Variants in LRCH3 observed in about 807,000 individuals in gnomAD.
LRCH3 encodes leucine rich repeats and calponin homology domain containing 3, also known as DISP complex protein LRCH3.
In LRCH3, 68 loss-of-function variants were observed where a neutral mutation model predicts 104.5. The observed-to-expected ratio is 0.65, with a 90% CI of 0.54 to 0.80. The LOEUF (loss-of-function observed/expected upper bound fraction) is 0.80, where lower values mean the gene tolerates loss of function less well. LRCH3 is among the 30% of genes least tolerant of loss of function. The pLI is 0.00. For missense variants in LRCH3, 951 were observed against 953.9 expected (o/e 1.00, Z 0.04); for synonymous variants, 344 against 361.3 (o/e 0.95, Z 0.54).
At chr3:197,824,813 A>G (rs1359834492) in intron 4 of LRCH3, among the ~76,000 whole-genome samples, 1 of 149,558 alleles carries the variant, frequency 6.7e-6, no homozygotes, top group African/African-American at 2.5e-5. Context: ...CTCGTGATTC[A>G]CCCGCCTTGG....
At position 197,883,775 on chromosome 3, in the gene LRCH3, G is replaced by A. The variant is rs1343436644; in HGVS notation, c.*109G>A. 1 of 1,181,502 alleles carries A rather than the reference G, an allele frequency of 8.5e-7. No individual in the cohort carries two copies. Among genetic ancestry groups the A allele is most frequent in the Non-Finnish European group, 1.1e-6 (1 of 894,592 alleles). The allele number at this position is 1,181,502 out of a possible 1,614,324, so 73.2% of individuals were successfully genotyped here. ...AAAGCTCTTGTGTGTTCTCAGAAGG[G>A]ACCGTTCCCATGATTCCTAACAGGA... On this transcript the variant is annotated 3_prime_UTR_variant, in exon 21 of 21. Transcript: ENST00000425562. The surrounding 1 kb of genome is among the most constrained non-coding windows in gnomAD (Gnocchi z 4.2).
At chr3:197,845,406 C>CAAAAAAAA (rs370414681) in intron 10 of LRCH3, among the ~76,000 whole-genome samples, 1 of 85,858 alleles carries the variant, frequency 1.2e-5, no homozygotes, top group Admixed American at 1.3e-4. Context: ...GAGACTCTGT[C>CAAAAAAAA]AAAAAAAAAA....
At chr3:197,797,264 G>A (rs913303138) in intron 1 of LRCH3, among the ~76,000 whole-genome samples, 1 of 143,098 alleles carries the variant, frequency 7.0e-6, no homozygotes, top group African/African-American at 2.6e-5. Context: ...TGGAAGTGGA[G>A]GTTGCAGTGA....
intron 1 of LRCH3, 106 bp downstream of exon 1, chr3:197,791,646 C>G: frequency 7.7e-7 from 1 of 1,293,512 alleles, no homozygotes; most frequent in African/African-American, 1.6e-5. Context: ...GTCCCGTAGG[C>G]GCCGGGTCCG....
intron 18 of LRCH3, 69 bp downstream of exon 18, chr3:197,870,347 T>A: frequency 7.1e-7 from 1 of 1,404,854 alleles, no homozygotes; most frequent in Non-Finnish European, 9.9e-7. Context: ...TGTGATCACG[T>A]CTTCATTTGA....
At chr3:197,878,595 C>T (rs532363504) in intron 20 of LRCH3, among the ~76,000 whole-genome samples, 3 of 152,296 alleles carry the variant, frequency 2.0e-5, no homozygotes, top group Admixed American at 6.5e-5. Flanking sequence ...TCTCCCCTTC[C>T]ACCTCCCACC....
At chr3:197,870,766 G>A (rs1458742421) in intron 18 of LRCH3, among the ~76,000 whole-genome samples, 1 of 151,022 alleles carries the variant, frequency 6.6e-6, no homozygotes, top group Non-Finnish European at 1.5e-5. Flanking sequence ...GTGAGCTTCC[G>A]CGCCCGGCTG....
intron 1 of LRCH3, among the ~76,000 whole-genome samples, chr3:197,797,893 A>AAC (rs1580527166): frequency 5.4e-5 from 8 of 146,824 alleles, no homozygotes; most frequent in South Asian, 2.1e-4. Context: ...CAAAAAAAAA[A>AAC]ACAAAACCAG....
At chr3:197,867,310 T>C (rs1741605512) in intron 17 of LRCH3, among the ~76,000 whole-genome samples, 1 of 151,926 alleles carries the variant, frequency 6.6e-6, no homozygotes, top group Non-Finnish European at 1.5e-5. Context: ...TCCCAGCTAC[T>C]CGGGAGGCTG....
At chr3:197,860,971 C>CTTTTT (rs5855654) in intron 15 of LRCH3, among the ~76,000 whole-genome samples, 1 of 137,404 alleles carries the variant, frequency 7.3e-6, no homozygotes, top group African/African-American at 2.7e-5. Context: ...CTGACCCCAA[C>CTTTTT]TTTTTTTTTT....
At chr3:197,882,531 AAAAAC>A in intron 20 of LRCH3, 5 of 944,332 alleles carry the variant, frequency 5.3e-6, no homozygotes, top group African/African-American at 3.7e-5. Flanking sequence ...ACAAAAAACA[AAAAAC>A]AAAAAAACCC....
chr3:197,803,661 T>TA (rs1231318383), intron 1 of LRCH3, among the ~76,000 whole-genome samples: 280 of 142,790 alleles, frequency 2.0e-3, no homozygotes, highest in African/African-American at 4.8e-3. Flanking sequence ...TGAGACTGTT[T>TA]AAAAAAAAAA....
chr3:197,888,318 T>G lies in LRCH3; in HGVS notation c.*4652T>G, dbSNP rs1452183676. On this transcript the variant is annotated 3_prime_UTR_variant, in exon 21 of 21. Transcript: ENST00000425562. The stretch of plus-strand genomic sequence containing the variant: ...TCCTGTATTTTTGTCTGTAAATATA[T>G]TGCATAAGTTCTAAGTATAAATATG... 1 of 152,258 alleles carries G rather than the reference T, an allele frequency of 6.6e-6. No homozygotes were observed. The highest frequency in any genetic ancestry group is 1.5e-5 in the Non-Finnish European group (1 of 68,044). 9.4% of individuals were successfully genotyped at this position (152,258 alleles called of 1,614,324 possible).
At chr3:197,880,048 C>T (rs1254655817) in intron 20 of LRCH3, among the ~76,000 whole-genome samples, 20 of 150,798 alleles carry the variant, frequency 1.3e-4, no homozygotes, top group South Asian at 6.3e-4. Context: ...CGGGTTCCCG[C>T]CATTCTCCTG....
chr3:197,806,909 C>G (rs1426882929), intron 1 of LRCH3, among the ~76,000 whole-genome samples: 1 of 151,420 alleles, frequency 6.6e-6, no homozygotes, highest in African/African-American at 2.4e-5. Context: ...CATGGTTCCG[C>G]ATTCCTGTGG....
chr3:197,832,266 G>GA lies in LRCH3; in HGVS notation c.1054dup (p.Ser352LysfsTer20). ...TACTAAAGAACAAAGACTACGAAGA[G>GA]AAAGCCAGTACCAAGAGAACCGCGG... is the stretch of plus-strand genomic sequence containing the variant. On this transcript the variant is annotated frameshift_variant, in exon 8 of 21. Transcript: ENST00000425562. LOFTEE classifies it high-confidence loss of function. 6.2e-7 allele frequency: 1 copy of GA among 1,613,994 alleles called. No homozygotes were observed. Among genetic ancestry groups the GA allele is most frequent in the Non-Finnish European group, 8.5e-7 (1 of 1,179,892 alleles).
At chr3:197,871,195 G>A (rs896045325) in intron 18 of LRCH3, 130 bp from the exon 19 acceptor site, 77 of 711,372 alleles carry the variant, frequency 1.1e-4, no homozygotes, top group Non-Finnish European at 7.6e-5. Flanking sequence ...AGGATAGAGG[G>A]ATAAAATGGA....
rs368810192 is a variant in LRCH3, at chr3:197,820,372, C to T, written c.582C>T (p.Asn194=). The T allele has an allele frequency of 1.9e-6, 3 of 1,613,286 alleles. No homozygotes were observed. The highest frequency in any genetic ancestry group is 1.3e-5 in the African/African-American group (1 of 74,900). The change falls in exon 4 of 21, where the codon AAC becomes AAT. Residue 194 remains asparagine, a synonymous_variant. Transcript: ENST00000425562. Reference sequence around the variant, plus strand: ...AAACTATACCTTCCCAAATTGGTAACCTGGAGGCCTTGAGAGACCTTAATG... The same window carrying T: ...AAACTATACCTTCCCAAATTGGTAATCTGGAGGCCTTGAGAGACCTTAATG... ...EIQTIPSQIG[N]LEALRDLNVR...
chr3:197,850,472 T>C (rs2109405270), intron 12 of LRCH3: 3 of 1,590,974 alleles, frequency 1.9e-6, no homozygotes, highest in Non-Finnish European at 2.6e-6. Flanking sequence ...CAACCTCCTC[T>C]TCTGGTTTAG....
Sources: allele counts gnomAD v4.1 joint callset (sites outside exome capture counted in the v4.1 genomes callset), GRCh38; gene constraint gnomAD v4.1.1; non-coding constraint Gnocchi (gnomAD v3.1); transcripts MANE v1.5; gene names NCBI Gene and HGNC (gene_info 2026-07-23, HGNC 2026-07-21).